Variants in NBAS observed in about 807,000 individuals in gnomAD.
NBAS encodes NBAS subunit of NRZ tethering complex.
Under a neutral mutation model 302.5 loss-of-function variants are expected in NBAS, and 219 were observed. The ratio of observed to expected loss-of-function variants is 0.72; its 90% CI spans 0.65 to 0.81. The LOEUF (loss-of-function observed/expected upper bound fraction) is 0.81. Ranked by LOEUF, NBAS falls within the 30% of genes least tolerant of loss-of-function variation. The probability of loss-of-function intolerance (pLI) is 0.00; values close to 1 mark genes in which losing one functional copy is unlikely to be tolerated. For synonymous variants in NBAS, 1,118 were observed against 1,021.6 expected (o/e 1.09, Z -1.80); for missense variants, 2,932 against 2,841.6 (o/e 1.03, Z -0.72).
In NBAS at chr2:15,234,619, C is replaced by A; in HGVS notation, c.6072G>T (p.Val2024=). The change falls in exon 46 of 52, where the codon GTG becomes GTT. Residue 2024 remains valine, a synonymous_variant. Coordinates refer to ENST00000281513, the MANE Select transcript of NBAS (RefSeq NM_015909.4). ...GTGAGATGTCAAGAGGGCCAACTGC[C>A]ACCTCTAGCAGCTGCTGAATCATTG... ...PLAMIQQLLE[V]AVGPLDISPK... is the part of the protein sequence containing the mutation. The A allele has an allele frequency of 6.2e-7, 1 of 1,614,128 alleles. No individual in the cohort carries two copies. Among genetic ancestry groups the A allele is most frequent in the Non-Finnish European group, 8.5e-7 (1 of 1,179,996 alleles).
At chr2:15,507,940 T>G (rs1661951991) in intron 10 of NBAS, among the ~76,000 whole-genome samples, 1 of 152,232 alleles carries the variant, frequency 6.6e-6, no homozygotes, top group Non-Finnish European at 1.5e-5. Flanking sequence ...ACGATGTATG[T>G]GTCAGCAGCA....
intron 21 of NBAS, among the ~76,000 whole-genome samples, chr2:15,448,980 T>C (rs2148533755): frequency 6.6e-6 from 1 of 152,258 alleles, no homozygotes; most frequent in South Asian, 2.1e-4. Flanking sequence ...GAAGCACACA[T>C]TCTGAAATTA....
intron 28 of NBAS, among the ~76,000 whole-genome samples, chr2:15,393,954 G>A (rs1307355163): frequency 6.6e-6 from 1 of 152,058 alleles, no homozygotes; most frequent in African/African-American, 2.4e-5. Flanking sequence ...CTGATGAGGA[G>A]AAGGGAGCAC....
At chr2:14,862,324 G>T in the NBAS span, among the ~76,000 whole-genome samples, 5 of 151,908 alleles carry the variant, frequency 3.3e-5, no homozygotes, top group African/African-American at 1.2e-4. Context: ...TCACCATATT[G>T]GTCAGGCTGA....
At chr2:14,938,332 C>A in the NBAS span, among the ~76,000 whole-genome samples, 5 of 152,082 alleles carry the variant, frequency 3.3e-5, no homozygotes, top group African/African-American at 1.2e-4. Flanking sequence ...ATAAATCACC[C>A]CCATATTCAT....
the NBAS span, among the ~76,000 whole-genome samples, chr2:15,095,920 G>A: frequency 6.6e-6 from 1 of 152,132 alleles, no homozygotes; most frequent in Non-Finnish European, 1.5e-5. Flanking sequence ...GACACTCATG[G>A]GGCTGCTCAT....
the NBAS span, among the ~76,000 whole-genome samples, chr2:14,929,511 G>C: frequency 1.3e-5 from 2 of 152,120 alleles, no homozygotes; most frequent in Non-Finnish European, 2.9e-5. Flanking sequence ...TTGAGTAGCT[G>C]GGACTACAGG....
intron 44 of NBAS, among the ~76,000 whole-genome samples, chr2:15,262,141 T>C (rs762242215): frequency 3.3e-5 from 5 of 152,184 alleles, no homozygotes; most frequent in Non-Finnish European, 7.4e-5. Context: ...AACTTTCTGT[T>C]TGGTCTTATA....
chr2:15,018,324 T>G, the NBAS span, among the ~76,000 whole-genome samples: 1 of 152,150 alleles, frequency 6.6e-6, no homozygotes, highest in African/African-American at 2.4e-5. Context: ...AAATGATAAA[T>G]GTTTGAGATG....
the NBAS span, among the ~76,000 whole-genome samples, chr2:14,812,875 T>C: frequency 6.6e-6 from 1 of 152,100 alleles, no homozygotes; most frequent in African/African-American, 2.4e-5. Flanking sequence ...TGGGAGGTGA[T>C]TGGATCATGG....
the NBAS span, among the ~76,000 whole-genome samples, chr2:15,036,981 A>G: frequency 6.6e-6 from 1 of 152,180 alleles, no homozygotes; most frequent in Non-Finnish European, 1.5e-5. Context: ...GGGACCTTGG[A>G]TATGGGCAGG....
chr2:15,240,335 CAG>C (rs1449455629), intron 44 of NBAS, among the ~76,000 whole-genome samples: 1 of 151,038 alleles, frequency 6.6e-6, no homozygotes, highest in Non-Finnish European at 1.5e-5. Flanking sequence ...AAAATGCTGA[CAG>C]GACGCCTGTC....
chr2:15,475,576 C>G, intron 14 of NBAS, 111 bp downstream of exon 14: 1 of 1,142,998 alleles, frequency 8.7e-7, no homozygotes, highest in Non-Finnish European at 1.2e-6. Context: ...ATTCCAATCA[C>G]AGATTTTTAT....
At chr2:15,482,142 TTTAA>T (rs1460350287) in intron 12 of NBAS, among the ~76,000 whole-genome samples, 1 of 152,188 alleles carries the variant, frequency 6.6e-6, no homozygotes, top group Admixed American at 6.5e-5. Flanking sequence ...ATTTCTTTAA[TTTAA>T]TTTAGACAAG....
In NBAS at chr2:15,432,700, G is replaced by A. The variant is rs370215440; in HGVS notation, c.2340-4906C>T. Among the ~76,000 whole-genome samples the A allele has an allele frequency of 2.6e-5, 4 of 152,054 alleles. No individual in the cohort carries two copies. In the South Asian group the frequency reaches 6.2e-4, roughly 24 times the overall value. ...TCTATTATTTAGCAGAGAATAAAAC[G>A]TTCTGGCAAGTAAAGAATAAAAATA... On this transcript the variant is annotated intron_variant, in intron 21 of 51. Transcript: ENST00000281513.
chr2:15,367,053 A>G (rs1272543733), intron 31 of NBAS, among the ~76,000 whole-genome samples: 1 of 152,116 alleles, frequency 6.6e-6, no homozygotes, highest in African/African-American at 2.4e-5. Flanking sequence ...GTATTATACC[A>G]GCCCCCTCAA....
At chr2:15,545,971 C>T (rs1051953912) in intron 6 of NBAS, among the ~76,000 whole-genome samples, 1 of 152,168 alleles carries the variant, frequency 6.6e-6, no homozygotes. Flanking sequence ...TGGCTTGCTG[C>T]TCAGAGATCA....
the NBAS span, among the ~76,000 whole-genome samples, chr2:15,049,082 T>G: frequency 6.6e-6 from 1 of 152,078 alleles, no homozygotes; most frequent in Non-Finnish European, 1.5e-5. Flanking sequence ...GAGGTGACAT[T>G]TAAGGAATTG....
intron 21 of NBAS, among the ~76,000 whole-genome samples, chr2:15,438,943 C>T (rs184051316): frequency 9.9e-5 from 15 of 152,188 alleles, no homozygotes; most frequent in Middle Eastern, 3.4e-3. Flanking sequence ...AGCCAGAATA[C>T]GAAAAACTAG....
Sources: gnomAD v4.1 joint callset for allele counts (sites outside exome capture counted in the v4.1 genomes callset) on GRCh38, gnomAD v4.1.1 for gene constraint, MANE v1.5 for transcripts, NCBI Gene and HGNC (gene_info 2026-07-23, HGNC 2026-07-21) for gene names.